Variants in KRT25 observed in about 807,000 individuals in gnomAD.
KRT25 encodes keratin, type I cytoskeletal 25.
A neutral mutation model predicts 47.6 loss-of-function variants in KRT25; 37 were observed. That is an observed-to-expected ratio of 0.78 (90% CI 0.60 to 1.02). The LOEUF is 1.02. Ranked by LOEUF, KRT25 falls within the 50% of genes least tolerant of loss-of-function variation. The pLI is 0.00. For missense variants in KRT25, 542 were observed against 550.3 expected (o/e 0.98, Z 0.15); for synonymous variants, 203 against 210.2 (o/e 0.97, Z 0.30).
Position 40,748,118 on chromosome 17 carries a change from G to T in KRT25, c.*159C>A. ...CATATTTGTGTGTGGCATTCTTCTAGATGAATGGGGAGATGCTGTCATTGA... is the reference window on the plus strand; with the variant it reads ...CATATTTGTGTGTGGCATTCTTCTATATGAATGGGGAGATGCTGTCATTGA... On this transcript the variant is annotated 3_prime_UTR_variant, in exon 8 of 8. Coordinates refer to ENST00000312150, the MANE Select transcript of KRT25 (RefSeq NM_181534.4). 2.0e-6 allele frequency: 1 copy of T among 511,970 alleles called. No individual in the cohort carries two copies. Among genetic ancestry groups the T allele is most frequent in the Non-Finnish European group, 3.4e-6 (1 of 291,802 alleles). 31.7% of individuals were successfully genotyped at this position (511,970 alleles called of 1,614,324 possible).
chr17:40,754,447 T>A lies in KRT25; in HGVS notation c.451A>T (p.Asn151Tyr). The change falls in exon 2 of 8, where the codon AAT becomes TAT. Residue 151 changes from asparagine (N) to tyrosine (Y), a missense_variant. Coordinates refer to ENST00000312150, the MANE Select transcript of KRT25 (RefSeq NM_181534.4). ...TCGATCTGCAGAACAGCATTAGCAT[T>A]GCTGGTGGTGGATGCGATGATCTAG... Reference protein sequence around the residue: ...KNQIIASTTSNANAVLQIDNA... With the variant: ...KNQIIASTTSYANAVLQIDNA... 2 of 1,614,032 alleles carry A rather than the reference T, an allele frequency of 1.2e-6. No individual in the cohort carries two copies. The highest frequency in any genetic ancestry group is 1.7e-6 in the Non-Finnish European group (2 of 1,179,920).
intron 2 of KRT25, 94 bp downstream of exon 2, chr17:40,754,292 A>G: frequency 2.9e-6 from 3 of 1,025,484 alleles, no homozygotes; most frequent in Non-Finnish European, 4.5e-6. Context: ...GTGAAATTCA[A>G]GTGTTTTATA....
chr17:40,748,653 C>T (rs117515766), intron 7 of KRT25, among the ~76,000 whole-genome samples: 3,490 of 152,140 alleles, frequency 0.023, 50 homozygotes, highest in Middle Eastern at 0.051. Context: ...TGTATTCTTA[C>T]CAAGCCATGG....
intron 7 of KRT25, 114 bp from the exon 8 acceptor site, chr17:40,748,500 A>G (rs2038016933): frequency 4.9e-6 from 3 of 610,880 alleles, no homozygotes; most frequent in Middle Eastern, 4.2e-4. Flanking sequence ...CTAAGCACAA[A>G]TACTTAGACT....
chr17:40,750,565 G>C lies in KRT25; in HGVS notation c.990C>G (p.Thr330=), dbSNP rs763086945. ...KHSLECSLTE[T]ESNYCAQLAQ... is the part of the protein sequence containing the mutation. Reference sequence around the variant, plus strand: ...CCAGCTGCGCACAGTAGTTGCTCTCGGTCTCTGTCAAGGAGCACTCCAGGG... The same window carrying C: ...CCAGCTGCGCACAGTAGTTGCTCTCCGTCTCTGTCAAGGAGCACTCCAGGG... Residue 330 remains threonine, a synonymous_variant, in exon 6 of 8, where the codon ACC becomes ACG. Coordinates refer to ENST00000312150, the MANE Select transcript of KRT25 (RefSeq NM_181534.4). The C allele has an allele frequency of 5.0e-6, 8 of 1,614,062 alleles. No individual in the cohort carries two copies. In the African/African-American group the frequency reaches 5.3e-5, roughly 11 times the overall value.
Position 40,754,817 on chromosome 17 carries a change from AATGATTG to A in KRT25, c.429+19_429+25del, listed in dbSNP as rs747274709. The A allele has an allele frequency of 6.5e-7, 1 of 1,537,768 alleles. No homozygotes were observed. ...AAATTTAGAAATAAAGGTACATGAA[AATGATTG>A]TGCAGTATGATTTCTTACCTGATTT... On this transcript the variant is annotated intron_variant, in intron 1 of 7. Coordinates refer to ENST00000312150, the MANE Select transcript of KRT25 (RefSeq NM_181534.4).
chr17:40,755,444 T>C (rs1366228571), upstream of KRT25: 3 of 610,024 alleles, frequency 4.9e-6, no homozygotes, highest in African/African-American at 5.5e-5. Flanking sequence ...GTTGGCATAA[T>C]TGGGTGATTT....
In KRT25 at chr17:40,754,422, T is replaced by A; in HGVS notation, c.476A>T (p.Asp159Val). The A allele has an allele frequency of 6.2e-7, 1 of 1,614,096 alleles. No individual in the cohort carries two copies. Among genetic ancestry groups the A allele is most frequent in the Non-Finnish European group, 8.5e-7 (1 of 1,179,942 alleles). The change falls in exon 2 of 8, where the codon GAT becomes GTT. Residue 159 changes from aspartate to valine, a missense_variant. Coordinates refer to ENST00000312150, the MANE Select transcript of KRT25 (RefSeq NM_181534.4). ...ATCATCAGCTGTAAGCCTGGCATTATCGATCTGCAGAACAGCATTAGCATT... is the reference window on the plus strand; with the variant it reads ...ATCATCAGCTGTAAGCCTGGCATTAACGATCTGCAGAACAGCATTAGCATT... ...TSNANAVLQI[D>V]NARLTADDFR... is the part of the protein sequence containing the mutation.
chr17:40,755,094 C>T lies in KRT25; in HGVS notation c.178G>A (p.Gly60Arg). The change falls in exon 1 of 8, where the codon GGA becomes AGA. Residue 60 changes from glycine to arginine, a missense_variant. Coordinates refer to ENST00000312150, the MANE Select transcript of KRT25 (RefSeq NM_181534.4). ...GGSSSGGNTGGGNPCAGFTVN... is the reference protein window; with the variant it reads ...GGSSSGGNTGRGNPCAGFTVN... ...GTGAAGCCAGCACAGGGATTACCTC[C>T]CCCTGTGTTTCCTCCCGATGAGCTG... 6.2e-7 allele frequency: 1 copy of T among 1,614,098 alleles called. No homozygotes were observed. Among genetic ancestry groups the T allele is most frequent in the East Asian group, 2.2e-5 (1 of 44,880 alleles).
At chr17:40,751,405 T>TA in intron 3 of KRT25, 79 bp from the exon 4 acceptor site, 4 of 1,458,882 alleles carry the variant, frequency 2.7e-6, no homozygotes, top group East Asian at 2.4e-5. Context: ...GAAGGGCACT[T>TA]AGAGTTCGTC....
In KRT25 at chr17:40,750,424, T is replaced by C. The variant is rs1480341908; in HGVS notation, c.1131A>G (p.Glu377=). 6.2e-7 allele frequency: 1 copy of C among 1,613,878 alleles called. No homozygotes were observed. Among genetic ancestry groups the C allele is most frequent in the Non-Finnish European group, 8.5e-7 (1 of 1,179,876 alleles). Residue 377 remains glutamate, a synonymous_variant, in exon 6 of 8, where the codon GAA becomes GAG. Coordinates refer to ENST00000312150, the MANE Select transcript of KRT25 (RefSeq NM_181534.4). ...GGAGACAGTAGGTCTCAATTTCTTT[T>C]TCCAGGTGGAGCTTGATGTCCAGGA... ...EQLLDIKLHL[E]KEIETYCLLI...
At chr17:40,754,074 TC>T (rs761818521) in intron 2 of KRT25, 58 bp from the exon 3 acceptor site, 93 of 1,515,230 alleles carry the variant, frequency 6.1e-5, no homozygotes, top group Non-Finnish European at 7.8e-5. Context: ...TAGTCACTAG[TC>T]ACTGATCAAT....
chr17:40,754,803 TA>T (rs780071721), intron 1 of KRT25, 39 bp downstream of exon 1: 2 of 1,455,480 alleles, frequency 1.4e-6, no homozygotes, highest in Admixed American at 4.6e-5. Flanking sequence ...AATTTAGAAA[TA>T]AAGGTACATG....
At chr17:40,749,351 G>C in intron 6 of KRT25, 26 bp from the exon 7 acceptor site, 2 of 1,525,470 alleles carry the variant, frequency 1.3e-6, no homozygotes, top group South Asian at 2.3e-5. Flanking sequence ...AAAAGAGGGT[G>C]ATTTAGAGAG....
chr17:40,753,850 C>G lies in KRT25; in HGVS notation c.669+10G>C. 6.2e-7 allele frequency: 1 copy of G among 1,613,200 alleles called. No individual in the cohort carries two copies. Among genetic ancestry groups the G allele is most frequent in the South Asian group, 1.1e-5 (1 of 91,006 alleles). Reference sequence around the variant, plus strand: ...GGAGGGATAGCAAAATGTAGACGACCAGCTCTTACCTCTTTATGGTTCTTT... The same window carrying G: ...GGAGGGATAGCAAAATGTAGACGACGAGCTCTTACCTCTTTATGGTTCTTT... On this transcript the variant is annotated intron_variant, in intron 3 of 7. Transcript: ENST00000312150.
chr17:40,755,188 G>C lies in KRT25; in HGVS notation c.84C>G (p.Thr28=). The C allele has an allele frequency of 6.2e-7, 1 of 1,614,198 alleles. No homozygotes were observed. ...TGSLRLYGGG[T]SFGTGNSCGI... ...CACAAGAATTTCCAGTACCAAAGCT[G>C]GTTCCCCCACCATAGAGTCTGAGTG... Residue 28 remains threonine, a synonymous_variant, in exon 1 of 8, where the codon ACC becomes ACG. Transcript: ENST00000312150.
intron 7 of KRT25, 70 bp from the exon 8 acceptor site, chr17:40,748,456 A>G: frequency 1.0e-6 from 1 of 986,450 alleles, no homozygotes. Context: ...CATTTAAAGG[A>G]ATAATAGGAT....
At chr17:40,751,413 G>C in intron 3 of KRT25, 87 bp from the exon 4 acceptor site, 1 of 1,426,268 alleles carries the variant, frequency 7.0e-7, no homozygotes, top group Non-Finnish European at 9.3e-7. Context: ...CTTAGAGTTC[G>C]TCTGGTTTTC....
intron 3 of KRT25, 67 bp downstream of exon 3, chr17:40,753,793 A>G: frequency 7.4e-7 from 1 of 1,348,834 alleles, no homozygotes; most frequent in South Asian, 1.2e-5. Flanking sequence ...GAGGTTATGT[A>G]CATTATCTCC....
Sources: allele counts gnomAD v4.1 joint callset (sites outside exome capture counted in the v4.1 genomes callset), GRCh38; gene constraint gnomAD v4.1.1; transcripts MANE v1.5; gene names NCBI Gene and HGNC (gene_info 2026-07-23, HGNC 2026-07-21).